The following HDAC5 variants were observed in gnomAD, a reference collection of about 807,000 sequenced individuals.
HDAC5 encodes antigen NY-CO-9.
HDAC5 carries 25 observed loss-of-function variants against 133.3 expected under a neutral mutation model. The ratio of observed to expected loss-of-function variants is 0.19; its 90% CI spans 0.14 to 0.26. The LOEUF (loss-of-function observed/expected upper bound fraction) is 0.26, where lower values mean the gene tolerates loss of function less well. Ranked by LOEUF, HDAC5 falls within the 10% of genes least tolerant of loss-of-function variation. The pLI, the probability that HDAC5 is intolerant of heterozygous loss-of-function variation, is 1.00. For missense variants in HDAC5, 1,041 were observed against 1,460.5 expected (o/e 0.71, Z 4.68); for synonymous variants, 589 against 610.8 (o/e 0.96, Z 0.53).
chr17:44,088,898 T>A (rs1483334680), intron 11 of HDAC5, among the ~76,000 whole-genome samples: 1 of 152,110 alleles, frequency 6.6e-6, no homozygotes, highest in Non-Finnish European at 1.5e-5. Context: ...TCTTGAGCCC[T>A]CTGAACGAAC....
intron 13 of HDAC5, among the ~76,000 whole-genome samples, chr17:44,087,018 C>CCGGAGGGCT (rs2050688641): frequency 6.6e-6 from 1 of 151,164 alleles, no homozygotes; most frequent in South Asian, 2.1e-4. Flanking sequence ...TGAGTCAGGC[C>CCGGAGGGCT]CGGAGGGCTC....
In HDAC5 at chr17:44,091,816, G is replaced by C. The variant is rs1368368169; in HGVS notation, c.1048C>G (p.Arg350Gly). ...GGGGAGCTGTCCAGAGGGAGGGCTCGGTGCTGAGGGAGCATCTGGGGAGCA... is the reference window on the plus strand; with the variant it reads ...GGGGAGCTGTCCAGAGGGAGGGCTCCGTGCTGAGGGAGCATCTGGGGAGCA... ...NIPTEMLPQH[R>G]ALPLDSSPNQ... is the part of the protein sequence containing the mutation. Residue 350 changes from arginine (R) to glycine (G), a missense_variant, in exon 10 of 27, where the codon CGA becomes GGA. This residue lies in a region of HDAC5 where 433 missense variants were observed against 531.6 expected (regional missense o/e 0.81). Transcript: ENST00000682912. The C allele has an allele frequency of 2.5e-6, 4 of 1,569,540 alleles. No individual in the cohort carries two copies. Among genetic ancestry groups the C allele is most frequent in the Non-Finnish European group, 3.4e-6 (4 of 1,160,314 alleles).
At position 44,092,813 on chromosome 17, in the gene HDAC5, T is replaced by TGGGGGGGCCCCCGGGGGG; in HGVS notation, c.642-8_642-7insCCCCCCGGGGGCCCCCCC. 1.7e-5 allele frequency: 7 copies of TGGGGGGGCCCCCGGGGGG among 403,374 alleles called. No individual in the cohort carries two copies. Among genetic ancestry groups the TGGGGGGGCCCCCGGGGGG allele is most frequent in the Non-Finnish European group, 1.7e-5 (4 of 232,430 alleles). 25.0% of individuals were successfully genotyped at this position (403,374 alleles called of 1,614,324 possible). On this transcript the variant is annotated splice_region_variant and splice_polypyrimidine_tract_variant and intron_variant, in intron 6 of 26. Transcript: ENST00000682912. ...AGAAGCATGGTGGGCTCCCCTGGGG[T>TGGGGGGGCCCCCGGGGGG]GGGGGGGGGGTGGGGATGGAAGCAG...
chr17:44,083,985 G>A (rs1419285339), intron 16 of HDAC5, 131 bp from the exon 17 acceptor site: 7 of 717,138 alleles, frequency 9.8e-6, no homozygotes, highest in African/African-American at 1.7e-5. Flanking sequence ...TTAGCTGGGC[G>A]TGGTGGCACA....
At chr17:44,119,995 C>T (rs542693175) in intron 1 of HDAC5, 2 of 152,566 alleles carry the variant, frequency 1.3e-5, no homozygotes, top group East Asian at 3.9e-4. Context: ...AGACCCCTAC[C>T]CCACTCCGGG....
chr17:44,113,154 G>A (rs1034818124), intron 2 of HDAC5, among the ~76,000 whole-genome samples: 1 of 152,202 alleles, frequency 6.6e-6, no homozygotes, highest in African/African-American at 2.4e-5. Context: ...GCCTGCCCCA[G>A]GCATAGGAGA....
At chr17:44,080,575 TC>T in intron 21 of HDAC5, 77 bp from the exon 22 acceptor site, 1 of 1,517,800 alleles carries the variant, frequency 6.6e-7, no homozygotes, top group Non-Finnish European at 9.1e-7. Context: ...CACCCCTGCC[TC>T]CAGATCTCAC....
Position 44,091,851 on chromosome 17 carries a change from G to C in HDAC5, c.1033-20C>G. 6.5e-7 allele frequency: 1 copy of C among 1,536,434 alleles called. No individual in the cohort carries two copies. The highest frequency in any genetic ancestry group is 8.7e-7 in the Non-Finnish European group (1 of 1,143,486). ...GAGCATCTGGGGAGCAGTCAGAAGA[G>C]ACAGGCATGAGAGTGCACAAAGGGG... is the stretch of plus-strand genomic sequence containing the variant. On this transcript the variant is annotated intron_variant, in intron 9 of 26. Coordinates refer to ENST00000682912, the MANE Select transcript of HDAC5 (RefSeq NM_005474.5).
At position 44,079,093 on chromosome 17, in the gene HDAC5, G is replaced by A. The variant is rs746936032; in HGVS notation, c.3078+51C>T. On this transcript the variant is annotated intron_variant, in intron 24 of 26. Coordinates refer to ENST00000682912, the MANE Select transcript of HDAC5 (RefSeq NM_005474.5). ...TCCCAGTGCTGGCTGACCCCTTGCT[G>A]GCCCCTCAGACCTCTGGCCTGCCAC... 3.8e-6 allele frequency: 6 copies of A among 1,589,848 alleles called. No homozygotes were observed. The African/African-American group carries it at 5.4e-5, about 14-fold the overall frequency.
At chr17:44,111,708 C>T in intron 2 of HDAC5, 1 of 513,400 alleles carries the variant, frequency 1.9e-6, no homozygotes, top group Non-Finnish European at 3.9e-6. Context: ...GAGGTGCCTC[C>T]CCACCCCTTC....
rs143968905 is a variant in HDAC5 at position 44,104,065 on chromosome 17, A to C, written c.94+6664T>G. 1.8e-4 allele frequency among the ~76,000 whole-genome samples: 27 copies of C among 151,858 alleles called. No individual in the cohort carries two copies. In the East Asian group the frequency reaches 5.3e-3, roughly 30 times the overall value. ...GCTGGGTGCAGTGGCTCACACCTGT[A>C]ATCCCAGCACTTTGGGACCCCGAGG... On this transcript the variant is annotated intron_variant, in intron 3 of 26. Coordinates refer to ENST00000682912, the MANE Select transcript of HDAC5 (RefSeq NM_005474.5).
chr17:44,078,723 T>C (rs2050235164), intron 25 of HDAC5, 58 bp from the exon 26 acceptor site: 15 of 1,610,040 alleles, frequency 9.3e-6, no homozygotes, highest in Non-Finnish European at 1.3e-5. Flanking sequence ...ACATGAACAG[T>C]CCCAGTCCTG....
At chr17:44,098,923 C>T (rs566343507) in intron 3 of HDAC5, among the ~76,000 whole-genome samples, 1 of 151,844 alleles carries the variant, frequency 6.6e-6, no homozygotes, top group African/African-American at 2.4e-5. Context: ...TCAAGACCAG[C>T]CTGGCCAACA....
In HDAC5 at chr17:44,092,274, C is replaced by A; in HGVS notation, c.930G>T (p.Val310=). 6.2e-7 allele frequency: 1 copy of A among 1,614,024 alleles called. No homozygotes were observed. ...ITGAGPGASS[V]CNSAPGSGPS... ...GGCCGGAGCCGGGTGCGCTGTTACA[C>A]ACGGACGACGCTATAGGAGAAGTGG... The change falls in exon 9 of 27, where the codon GTG becomes GTT. Residue 310 remains valine, a synonymous_variant. Transcript: ENST00000682912.
chr17:44,078,708 C>T (rs541507957), intron 25 of HDAC5, 43 bp from the exon 26 acceptor site: 137 of 1,607,756 alleles, frequency 8.5e-5, no homozygotes, highest in Non-Finnish European at 1.1e-4. Context: ...GGGCAGAGGA[C>T]ACCCACATGA....
At position 44,117,519 on chromosome 17, in the gene HDAC5, G is replaced by A. The variant is rs760491691; in HGVS notation, c.-4C>T. ...CCGACTCGTTGGGAGAGTTCATGCC[G>A]GCTCTGGGCCTGCAGGAAGCTGGCG... On this transcript the variant is annotated 5_prime_UTR_variant, in exon 2 of 27. Coordinates refer to ENST00000682912, the MANE Select transcript of HDAC5 (RefSeq NM_005474.5). This position sits in a 1 kb window ranked among gnomAD's most constrained non-coding sequence, Gnocchi z 4.2. 10 of 1,613,934 alleles carry A rather than the reference G, an allele frequency of 6.2e-6. No individual in the cohort carries two copies. Among genetic ancestry groups the A allele is most frequent in the Middle Eastern group, 1.6e-4 (1 of 6,062 alleles).
At position 44,078,694 on chromosome 17, in the gene HDAC5, G is replaced by C. The variant is rs764410474; in HGVS notation, c.3164-29C>G. ...TGGACGAGAGACAGGCAAGGGGTCAGGGAGGGCAGAGGACACCCACATGAA... is the reference window on the plus strand; with the variant it reads ...TGGACGAGAGACAGGCAAGGGGTCACGGAGGGCAGAGGACACCCACATGAA... On this transcript the variant is annotated intron_variant, in intron 25 of 26. Transcript: ENST00000682912. 1.9e-6 allele frequency: 3 copies of C among 1,606,510 alleles called. No homozygotes were observed. In the South Asian group the frequency reaches 3.3e-5, roughly 18 times the overall value.
chr17:44,086,827 A>G (rs931643730), intron 13 of HDAC5, 90 bp from the exon 14 acceptor site: 5 of 988,114 alleles, frequency 5.1e-6, no homozygotes, highest in African/African-American at 1.7e-5. Context: ...TGGGGCCCCA[A>G]TCCAGCCCTT....
chr17:44,110,815 G>T lies in HDAC5; in HGVS notation c.23-15C>A. ...TGACATCCCATCTGCTGAGAAACAGGATTCTGTCTCATAGATGGTCTGCAG... is the reference window on the plus strand; with the variant it reads ...TGACATCCCATCTGCTGAGAAACAGTATTCTGTCTCATAGATGGTCTGCAG... On this transcript the variant is annotated splice_polypyrimidine_tract_variant and intron_variant, in intron 2 of 26. Coordinates refer to ENST00000682912, the MANE Select transcript of HDAC5 (RefSeq NM_005474.5). The T allele has an allele frequency of 2.5e-6, 4 of 1,609,838 alleles. No homozygotes were observed. Among genetic ancestry groups the T allele is most frequent in the Non-Finnish European group, 3.4e-6 (4 of 1,177,014 alleles).
Sources: allele counts gnomAD v4.1 joint callset (sites outside exome capture counted in the v4.1 genomes callset), GRCh38; gene constraint gnomAD v4.1.1; regional missense constraint gnomAD v4.1.1; non-coding constraint Gnocchi (gnomAD v3.1); transcripts MANE v1.5; gene names NCBI Gene and HGNC (gene_info 2026-07-23, HGNC 2026-07-21).